The following SMYD3 variants were observed in gnomAD, a reference collection of about 807,000 sequenced individuals.
SMYD3 encodes the protein SET and MYND domain containing 3, also known as histone-lysine N-methyltransferase SMYD3.
In SMYD3, 36 loss-of-function variants were observed where a neutral mutation model predicts 57.7. The ratio of observed to expected loss-of-function variants is 0.62; its 90% CI spans 0.48 to 0.82. The LOEUF is 0.82. Ranked by LOEUF, SMYD3 falls within the 40% of genes least tolerant of loss-of-function variation. The pLI is 0.00. For synonymous variants in SMYD3, 211 were observed against 195.0 expected, an observed-to-expected ratio of 1.08 and a Z score of -0.68; for missense variants, 515 against 538.8, an observed-to-expected ratio of 0.96 and a Z score of 0.44.
At chr1:245,930,333 G>C in intron 5 of SMYD3, 1 of 359,130 alleles carries the variant, frequency 2.8e-6, no homozygotes. Context: ...ACTGCATGCA[G>C]TTTCCAAATG....
At chr1:245,901,349 G>A (rs1434691147) in intron 8 of SMYD3, among the ~76,000 whole-genome samples, 1 of 152,070 alleles carries the variant, frequency 6.6e-6, no homozygotes, top group East Asian at 1.9e-4. Flanking sequence ...ATTCTAGTGA[G>A]GTAAACATTC....
At chr1:245,969,210 C>A (rs372908851) in intron 5 of SMYD3, among the ~76,000 whole-genome samples, 1 of 152,192 alleles carries the variant, frequency 6.6e-6, no homozygotes, top group Non-Finnish European at 1.5e-5. Context: ...AAAATCAACA[C>A]GGGTTTGCTG....
chr1:246,199,374 G>A (rs928524403), intron 5 of SMYD3, among the ~76,000 whole-genome samples: 1 of 152,124 alleles, frequency 6.6e-6, no homozygotes, highest in Non-Finnish European at 1.5e-5. Context: ...CCTCACACTG[G>A]ATATATAAAG....
chr1:246,371,586 T>C (rs1211254760), intron 1 of SMYD3, among the ~76,000 whole-genome samples: 64 of 152,174 alleles, frequency 4.2e-4, no homozygotes, highest in Admixed American at 4.2e-3. Flanking sequence ...TCACAGTAAA[T>C]ACATTTTTAA....
In SMYD3 at chr1:245,826,629, C is replaced by T. The variant is rs866728455; in HGVS notation, c.1076+31867G>A. Among the ~76,000 whole-genome samples, 36 of 152,242 alleles carry T rather than the reference C, an allele frequency of 2.4e-4. No individual in the cohort carries two copies. The Middle Eastern group carries it at 0.017, about 72-fold the overall frequency. On this transcript the variant is annotated intron_variant, in intron 10 of 11. Transcript: ENST00000490107. The stretch of plus-strand genomic sequence containing the variant: ...TTAAAACTCTCTCCTTATATTAGTT[C>T]GTTTTCACACTGCTATGAAGAACTG...
chr1:246,097,232 TGAG>T (rs2060930322), intron 5 of SMYD3, among the ~76,000 whole-genome samples: 1 of 152,146 alleles, frequency 6.6e-6, no homozygotes, highest in Non-Finnish European at 1.5e-5. Context: ...GCACCAAGCC[TGAG>T]GAGGTCAGTG....
intron 8 of SMYD3, among the ~76,000 whole-genome samples, chr1:245,898,744 G>A (rs539914059): frequency 6.6e-6 from 1 of 152,306 alleles, no homozygotes; most frequent in African/African-American, 2.4e-5. Flanking sequence ...AAGAAAAATT[G>A]ACATGGCAAG....
chr1:245,951,525 C>T lies in SMYD3; in HGVS notation c.532-21588G>A, dbSNP rs565552615. Among the ~76,000 whole-genome samples, 152 of 137,544 alleles carry T rather than the reference C, an allele frequency of 1.1e-3. 15 individuals carry two copies. Among genetic ancestry groups the T allele is most frequent in the South Asian group, 4.7e-3 (19 of 4,056 alleles). 90.2% of individuals were successfully genotyped at this position (137,544 alleles called of 152,430 possible). On this transcript the variant is annotated intron_variant, in intron 5 of 11. Coordinates refer to ENST00000490107, the MANE Select transcript of SMYD3 (RefSeq NM_001167740.2). ...CAGAGCTTGCAGTGAGCCGAGATCG[C>T]GCCCCTGCACTCCAGCCTGGGTGAC...
chr1:246,500,194 G>A lies in SMYD3; in HGVS notation c.164+6860C>T, dbSNP rs140386256. Among the ~76,000 whole-genome samples, 603 of 152,294 alleles carry A rather than the reference G, an allele frequency of 4.0e-3. 1 individual carries two copies. Among genetic ancestry groups the A allele is most frequent in the Admixed American group, 8.0e-3 (122 of 15,296 alleles). On this transcript the variant is annotated intron_variant, in intron 1 of 11. Transcript: ENST00000490107. ...CCTCAGAGAGCATCTTAGATTGACC[G>A]AACTTAGGTCACTGCCCGCACCCTA...
At chr1:245,971,210 C>T (rs61839383) in intron 5 of SMYD3, among the ~76,000 whole-genome samples, 3,762 of 152,306 alleles carry the variant, frequency 0.025, 73 homozygotes, top group Middle Eastern at 0.051. Flanking sequence ...GAAAACCAAA[C>T]ACCACATGTT....
intron 1 of SMYD3, among the ~76,000 whole-genome samples, chr1:246,394,598 T>C (rs1025996555): frequency 3.3e-5 from 5 of 152,242 alleles, no homozygotes; most frequent in Non-Finnish European, 7.3e-5. Context: ...TTAAGTCCTA[T>C]TGTTGTAAAG....
At chr1:246,155,901 C>T (rs575785067) in intron 5 of SMYD3, among the ~76,000 whole-genome samples, 2 of 151,974 alleles carry the variant, frequency 1.3e-5, no homozygotes, top group South Asian at 2.1e-4. Flanking sequence ...GCAGGAGAAT[C>T]GCTTGAATCT....
At chr1:245,859,563 C>A (rs2051425792) in intron 9 of SMYD3, among the ~76,000 whole-genome samples, 2 of 152,280 alleles carry the variant, frequency 1.3e-5, no homozygotes, top group African/African-American at 4.8e-5. Flanking sequence ...TAATCCCTCC[C>A]CAGTGAATTC....
chr1:246,247,965 C>T (rs966418695), intron 5 of SMYD3, among the ~76,000 whole-genome samples: 8 of 152,146 alleles, frequency 5.3e-5, no homozygotes, highest in Non-Finnish European at 1.0e-4. Context: ...TTTCCTGCTT[C>T]GCTGTCCCTC....
In SMYD3 at chr1:245,839,458, T is replaced by C. The variant is rs564027984; in HGVS notation, c.1076+19038A>G. Reference sequence around the variant, plus strand: ...TGCTGGGATTACAGGCATGAGCCACTGTGCCCAGCCCAGGCCAGCCTTTCT... The same window carrying C: ...TGCTGGGATTACAGGCATGAGCCACCGTGCCCAGCCCAGGCCAGCCTTTCT... On this transcript the variant is annotated intron_variant, in intron 10 of 11. Transcript: ENST00000490107. Among the ~76,000 whole-genome samples the C allele has an allele frequency of 7.2e-4, 109 of 151,842 alleles. 1 individual carries two copies. The highest frequency in any genetic ancestry group is 2.7e-3 in the East Asian group (14 of 5,114).
At chr1:246,344,673 C>T (rs770016446) in intron 2 of SMYD3, among the ~76,000 whole-genome samples, 5 of 152,120 alleles carry the variant, frequency 3.3e-5, no homozygotes, top group Admixed American at 6.5e-5. Flanking sequence ...ACAATGATAA[C>T]GCTTTACTTT....
intron 10 of SMYD3, among the ~76,000 whole-genome samples, chr1:245,831,798 G>A (rs1055577833): frequency 1.3e-5 from 2 of 152,140 alleles, no homozygotes; most frequent in African/African-American, 4.8e-5. Flanking sequence ...CCTCAAACTG[G>A]CCCTGAAAAT....
At chr1:245,877,268 C>T (rs1452941787) in intron 8 of SMYD3, among the ~76,000 whole-genome samples, 2 of 152,112 alleles carry the variant, frequency 1.3e-5, no homozygotes, top group Admixed American at 6.5e-5. Context: ...TCAGAATGAG[C>T]CCACAGACCC....
At chr1:246,411,395 A>G (rs971059319) in intron 1 of SMYD3, among the ~76,000 whole-genome samples, 2 of 152,206 alleles carry the variant, frequency 1.3e-5, no homozygotes, top group African/African-American at 2.4e-5. Context: ...AACTAGTTCA[A>G]CCATTGTGGA....
Sources: allele counts gnomAD v4.1 joint callset (sites outside exome capture counted in the v4.1 genomes callset), GRCh38; gene constraint gnomAD v4.1.1; transcripts MANE v1.5; gene names NCBI Gene and HGNC (gene_info 2026-07-23, HGNC 2026-07-21).